Variants in RIC1 observed in about 807,000 individuals in gnomAD.
RIC1 encodes guanine nucleotide exchange factor subunit RIC1.
A neutral mutation model predicts 169.0 loss-of-function variants in RIC1; 88 were observed. That is an observed-to-expected ratio of 0.52 (90% CI 0.44 to 0.62). The LOEUF is 0.62. Among genes scored for constraint, RIC1 ranks in the 20% least tolerant of loss-of-function variants. The probability of loss-of-function intolerance (pLI) is 0.00; values close to 1 mark genes in which losing one functional copy is unlikely to be tolerated. For synonymous variants in RIC1, 790 were observed against 601.5 expected (o/e 1.31, Z -4.59); for missense variants, 1,877 against 1,725.5 (o/e 1.09, Z -1.56).
chr9:5,745,799 G>T, intron 10 of RIC1, 132 bp from the exon 11 acceptor site: 1 of 731,024 alleles, frequency 1.4e-6, no homozygotes, highest in Non-Finnish European at 2.2e-6. Context: ...TGTTATCACG[G>T]TTTCTCCAAC....
chr9:5,756,194 C>T lies in RIC1; in HGVS notation c.1693-18C>T, dbSNP rs2131054668. The T allele has an allele frequency of 1.4e-6, 2 of 1,472,518 alleles. No homozygotes were observed. Among genetic ancestry groups the T allele is most frequent in the South Asian group, 1.4e-5 (1 of 69,538 alleles). 91.2% of individuals were successfully genotyped at this position (1,472,518 alleles called of 1,614,324 possible). A position where few individuals can be genotyped will look rare whatever the true frequency, so the allele number is the denominator to read the frequency against. ...GTTATCTTGTTTTTATAATTTTCTT[C>T]ATTTTTGTTTTCTTCAGCTTAGAGT... On this transcript the variant is annotated intron_variant, in intron 15 of 25. Transcript: ENST00000414202.
At chr9:5,643,551 A>T (rs927035960) in intron 1 of RIC1, among the ~76,000 whole-genome samples, 2 of 152,152 alleles carry the variant, frequency 1.3e-5, no homozygotes, top group African/African-American at 4.8e-5. Context: ...CAAACTCATA[A>T]TTACTCCTTT....
chr9:5,663,351 C>G (rs1475060616), intron 2 of RIC1, among the ~76,000 whole-genome samples: 4 of 152,008 alleles, frequency 2.6e-5, no homozygotes, highest in Admixed American at 2.0e-4. Flanking sequence ...TCCACTTGAT[C>G]TAGAGCTAAG....
In RIC1 at chr9:5,757,386, G is replaced by A. The variant is rs534899887; in HGVS notation, c.1927G>A (p.Val643Met). The A allele has an allele frequency of 3.4e-5, 55 of 1,613,854 alleles. No homozygotes were observed. The highest frequency in any genetic ancestry group is 4.5e-5 in the Non-Finnish European group (53 of 1,179,932). Residue 643 changes from valine to methionine, a missense_variant, in exon 17 of 26, where the codon GTG becomes ATG. By Grantham distance (21) the Val-to-Met change is conservative. This residue lies in a region of RIC1 where 1,104 missense variants were observed against 992.0 expected (regional missense o/e 1.11). Coordinates refer to ENST00000414202, the MANE Select transcript of RIC1 (RefSeq NM_020829.4). ...ACGCTACATTCCTCACCCTTTCCTGGTGGTATCTGTCACTCTGACATCAGT... is the reference window on the plus strand; with the variant it reads ...ACGCTACATTCCTCACCCTTTCCTGATGGTATCTGTCACTCTGACATCAGT... ...MSRYIPHPFL[V>M]VSVTLTSVST... is the part of the protein sequence containing the mutation.
In RIC1 at chr9:5,695,110, G is replaced by A. The variant is rs77597752; in HGVS notation, c.332+5072G>A. ...AGAGAGTGGAATATGACTTAAAATAGTGGTCAGTGTCTTCACTGAGAAGAT... is the reference window on the plus strand; with the variant it reads ...AGAGAGTGGAATATGACTTAAAATAATGGTCAGTGTCTTCACTGAGAAGAT... On this transcript the variant is annotated intron_variant, in intron 3 of 25. Transcript: ENST00000414202. Among the ~76,000 whole-genome samples, 1,074 of 152,244 alleles carry A rather than the reference G, an allele frequency of 7.1e-3. 19 individuals are homozygous for A. Among genetic ancestry groups the A allele is most frequent in the African/African-American group, 0.025 (1,018 of 41,546 alleles).
intron 1 of RIC1, among the ~76,000 whole-genome samples, chr9:5,638,282 A>G (rs753915894): frequency 2.0e-5 from 3 of 152,206 alleles, no homozygotes; most frequent in Non-Finnish European, 4.4e-5. Context: ...ATCAGTGTTC[A>G]TCAGAAATAT....
chr9:5,645,405 C>G (rs1306317241), intron 1 of RIC1, among the ~76,000 whole-genome samples: 1 of 152,156 alleles, frequency 6.6e-6, no homozygotes, highest in Non-Finnish European at 1.5e-5. Context: ...TGTCTTGATA[C>G]AAATTATTTA....
At chr9:5,686,790 G>C (rs72689481) in intron 2 of RIC1, among the ~76,000 whole-genome samples, 3,901 of 151,608 alleles carry the variant, frequency 0.026, 56 homozygotes, top group Non-Finnish European at 0.035. Context: ...TAAAAAAAAA[G>C]AATATGTTAA....
At chr9:5,701,178 T>C (rs1026739962) in intron 3 of RIC1, among the ~76,000 whole-genome samples, 2 of 152,226 alleles carry the variant, frequency 1.3e-5, no homozygotes, top group Non-Finnish European at 2.9e-5. Flanking sequence ...TTGAGACCTA[T>C]AGAAAAGCTC....
intron 1 of RIC1, among the ~76,000 whole-genome samples, chr9:5,645,326 A>C (rs978278520): frequency 6.6e-6 from 1 of 152,224 alleles, no homozygotes; most frequent in Non-Finnish European, 1.5e-5. Context: ...AGTATTAGCC[A>C]TGATGCCCAG....
chr9:5,765,437 T>C lies in RIC1; in HGVS notation c.2865T>C (p.Ser955=), dbSNP rs779562758. Reference sequence around the variant, plus strand: ...AGAATATGGAAGTCCCTGCAGTAAGTAGGCAACATGCTACCCTTCTATTCA... The same window carrying C: ...AGAATATGGAAGTCCCTGCAGTAAGCAGGCAACATGCTACCCTTCTATTCA... ...ILQNMEVPAV[S]RQHATLLFNT... is the part of the protein sequence containing the mutation. The change falls in exon 20 of 26, where the codon AGT becomes AGC. Residue 955 remains serine (S), a synonymous_variant. Coordinates refer to ENST00000414202, the MANE Select transcript of RIC1 (RefSeq NM_020829.4). The C allele has an allele frequency of 4.4e-5, 71 of 1,613,856 alleles. No homozygotes were observed. Among genetic ancestry groups the C allele is most frequent in the Middle Eastern group, 1.6e-4 (1 of 6,080 alleles).
intron 16 of RIC1, 74 bp downstream of exon 16, chr9:5,756,446 T>A: frequency 9.8e-7 from 1 of 1,015,286 alleles, no homozygotes; most frequent in Non-Finnish European, 1.3e-6. Flanking sequence ...TTTTGTTTTC[T>A]CAAAACAGTT....
Position 5,747,437 on chromosome 9 carries a change from G to A in RIC1, c.1384G>A (p.Ala462Thr). 1 of 1,614,098 alleles carries A rather than the reference G, an allele frequency of 6.2e-7. No individual in the cohort carries two copies. Reference sequence around the variant, plus strand: ...GCCCAGTCGAGAAAAGAGCCCATTTGCAGATGGAGGTTTAGAGTCTCAGGG... The same window carrying A: ...GCCCAGTCGAGAAAAGAGCCCATTTACAGATGGAGGTTTAGAGTCTCAGGG... ...HKPSREKSPF[A>T]DGGLESQGLS... is the part of the protein sequence containing the mutation. Residue 462 changes from alanine (A) to threonine (T), a missense_variant, in exon 12 of 26, where the codon GCA becomes ACA. Physicochemically the swap from Ala to Thr is moderately conservative, Grantham distance 58. Coordinates refer to ENST00000414202, the MANE Select transcript of RIC1 (RefSeq NM_020829.4).
chr9:5,740,080 C>T (rs1343445421), intron 8 of RIC1, among the ~76,000 whole-genome samples: 1 of 152,194 alleles, frequency 6.6e-6, no homozygotes, highest in East Asian at 1.9e-4. Flanking sequence ...CTGAGTTCAT[C>T]ATTTTCTTTC....
At chr9:5,639,425 A>G (rs892077003) in intron 1 of RIC1, among the ~76,000 whole-genome samples, 2 of 152,140 alleles carry the variant, frequency 1.3e-5, no homozygotes, top group African/African-American at 2.4e-5. Context: ...GTTCTTATTG[A>G]TTTCTAGTTT....
intron 23 of RIC1, among the ~76,000 whole-genome samples, chr9:5,771,489 G>GTT (rs1827217477): frequency 6.6e-6 from 1 of 151,998 alleles, no homozygotes; most frequent in Non-Finnish European, 1.5e-5. Context: ...TGTGAATGTG[G>GTT]GTATATAATA....
At chr9:5,740,109 C>G (rs1183408302) in intron 8 of RIC1, among the ~76,000 whole-genome samples, 1 of 152,166 alleles carries the variant, frequency 6.6e-6, no homozygotes, top group Admixed American at 6.5e-5. Context: ...GTTCACTGAA[C>G]TTAGGAGCAA....
At chr9:5,674,056 T>C (rs1421236112) in intron 2 of RIC1, among the ~76,000 whole-genome samples, 1 of 152,140 alleles carries the variant, frequency 6.6e-6, no homozygotes, top group Non-Finnish European at 1.5e-5. Context: ...GTATCATCAG[T>C]TTGGATTTAA....
chr9:5,765,945 G>A (rs558918079), intron 21 of RIC1, 147 bp downstream of exon 21: 1 of 974,370 alleles, frequency 1.0e-6, no homozygotes, highest in Non-Finnish European at 1.5e-6. Flanking sequence ...AGGCCACACA[G>A]AAGGCTTCCC....
Sources: allele counts gnomAD v4.1 joint callset (sites outside exome capture counted in the v4.1 genomes callset), GRCh38; gene constraint gnomAD v4.1.1; regional missense constraint gnomAD v4.1.1; transcripts MANE v1.5; gene names NCBI Gene and HGNC (gene_info 2026-07-23, HGNC 2026-07-21).